PRKAR2A: variants seen among roughly 807,000 people sequenced by gnomAD.
PRKAR2A encodes the protein protein kinase cAMP-dependent type II regulatory subunit alpha, also known as cAMP-dependent protein kinase type II-alpha regulatory subunit.
PRKAR2A carries 29 observed loss-of-function variants against 51.9 expected under a neutral mutation model. The observed-to-expected ratio is 0.56, with a 90% confidence interval of 0.42 to 0.76. The LOEUF (loss-of-function observed/expected upper bound fraction) is 0.76. Among genes scored for constraint, PRKAR2A ranks in the 30% least tolerant of loss-of-function variants. The pLI, the probability that PRKAR2A is intolerant of heterozygous loss-of-function variation, is 0.00. For missense variants in PRKAR2A, 445 were observed against 512.1 expected (o/e 0.87, Z 1.26); for synonymous variants, 178 against 186.2 (o/e 0.96, Z 0.36).
chr3:48,832,296 C>CAA (rs75592481), intron 1 of PRKAR2A, among the ~76,000 whole-genome samples: 85 of 72,572 alleles, frequency 1.2e-3, no homozygotes, highest in South Asian at 1.3e-3. Flanking sequence ...AACTTCATCT[C>CAA]AAAAAAAAAA....
intron 2 of PRKAR2A, 95 bp from the exon 3 acceptor site, chr3:48,794,144 G>A: frequency 1.1e-6 from 1 of 908,344 alleles, no homozygotes; most frequent in Non-Finnish European, 1.6e-6. Context: ...TTTATTCACT[G>A]TTTTCTTTTC....
At chr3:48,799,733 T>C (rs1408517070) in intron 2 of PRKAR2A, among the ~76,000 whole-genome samples, 2 of 152,232 alleles carry the variant, frequency 1.3e-5, no homozygotes, top group African/African-American at 4.8e-5. Context: ...CAGTCATCAC[T>C]AGAGTCAAAA....
chr3:48,820,239 T>C (rs575793615), intron 1 of PRKAR2A, among the ~76,000 whole-genome samples: 4 of 152,124 alleles, frequency 2.6e-5, no homozygotes, highest in Non-Finnish European at 4.4e-5. Flanking sequence ...AAGAGGGTCA[T>C]ACATGCATTT....
chr3:48,832,412 G>A (rs978527837), intron 1 of PRKAR2A, among the ~76,000 whole-genome samples: 2 of 151,736 alleles, frequency 1.3e-5, no homozygotes, highest in Non-Finnish European at 2.9e-5. Flanking sequence ...TCATTTAAAT[G>A]GCACCTCAAA....
intron 1 of PRKAR2A, among the ~76,000 whole-genome samples, chr3:48,838,670 G>A (rs1430541247): frequency 1.3e-5 from 2 of 151,650 alleles, no homozygotes; most frequent in African/African-American, 4.8e-5. Flanking sequence ...TTTGGAGTGA[G>A]GAAAAATGTT....
At chr3:48,783,722 A>G (rs757887792) in intron 4 of PRKAR2A, among the ~76,000 whole-genome samples, 6 of 152,170 alleles carry the variant, frequency 3.9e-5, no homozygotes, top group Non-Finnish European at 8.8e-5. Flanking sequence ...CTGGGACTAC[A>G]GGCCTGTGCC....
chr3:48,808,723 G>A (rs1247619339), intron 1 of PRKAR2A, among the ~76,000 whole-genome samples: 1 of 107,832 alleles, frequency 9.3e-6, no homozygotes. Flanking sequence ...TGCCACATTG[G>A]CCAGACTGGT....
At chr3:48,758,679 G>A (rs554225532) in intron 8 of PRKAR2A, among the ~76,000 whole-genome samples, 9 of 152,116 alleles carry the variant, frequency 5.9e-5, no homozygotes, top group Non-Finnish European at 1.2e-4. Flanking sequence ...GGCCTGAGGA[G>A]AATGAACAGG....
At chr3:48,816,524 G>C (rs1354757428) in intron 1 of PRKAR2A, among the ~76,000 whole-genome samples, 1 of 152,114 alleles carries the variant, frequency 6.6e-6, no homozygotes, top group Non-Finnish European at 1.5e-5. Context: ...TGTAGTCCCA[G>C]CTACTCAGAA....
intron 1 of PRKAR2A, among the ~76,000 whole-genome samples, chr3:48,832,259 A>C (rs2083200909): frequency 6.8e-6 from 1 of 147,926 alleles, no homozygotes; most frequent in Non-Finnish European, 1.5e-5. Flanking sequence ...ATGCCATTGC[A>C]CTCCAGCCTG....
chr3:48,845,802 A>G (rs1299652773), intron 1 of PRKAR2A, among the ~76,000 whole-genome samples: 1 of 152,078 alleles, frequency 6.6e-6, no homozygotes, highest in Non-Finnish European at 1.5e-5. Flanking sequence ...TAAAATTAGT[A>G]AGGCATGGTG....
chr3:48,791,151 G>A (rs945966028), intron 3 of PRKAR2A, among the ~76,000 whole-genome samples: 3 of 151,882 alleles, frequency 2.0e-5, no homozygotes, highest in African/African-American at 7.3e-5. Flanking sequence ...GCTGGGCATG[G>A]TGGCGCGTGC....
At chr3:48,776,068 T>C (rs1056185241) in intron 5 of PRKAR2A, among the ~76,000 whole-genome samples, 16 of 152,006 alleles carry the variant, frequency 1.1e-4, no homozygotes, top group African/African-American at 2.9e-4. Context: ...GATCGCATCA[T>C]TGCACTCCAG....
rs754942216 is a variant in PRKAR2A at position 48,752,220 on chromosome 3, G to A, written c.1037C>T (p.Pro346Leu). 6.2e-7 allele frequency: 1 copy of A among 1,614,142 alleles called. No homozygotes were observed. Among genetic ancestry groups the A allele is most frequent in the Non-Finnish European group, 8.5e-7 (1 of 1,180,018 alleles). Residue 346 changes from proline to leucine, a missense_variant, in exon 10 of 11, where the codon CCC becomes CTC. Pro to Leu is a moderately conservative substitution (Grantham distance 98). Coordinates refer to ENST00000265563, the MANE Select transcript of PRKAR2A (RefSeq NM_004157.4). ...AACTGCATAAGCTGAGGCAGCTCTGGGTTTGTTGGTGACCAGGGCAAGCTC... is the reference window on the plus strand; with the variant it reads ...AACTGCATAAGCTGAGGCAGCTCTGAGTTTGTTGGTGACCAGGGCAAGCTC... ...FGELALVTNKPRAASAYAVGD... is the reference protein window; with the variant it reads ...FGELALVTNKLRAASAYAVGD...
chr3:48,755,709 G>A (rs2107201775), intron 9 of PRKAR2A, among the ~76,000 whole-genome samples: 1 of 150,054 alleles, frequency 6.7e-6, no homozygotes, highest in South Asian at 2.1e-4. Flanking sequence ...TTGGGCTCAA[G>A]AGATCCTCTT....
chr3:48,794,000 T>G lies in PRKAR2A; in HGVS notation c.348A>C (p.Pro116=). The part of the protein sequence containing the change: ...NPDEEEEDTD[P]RVIHPKTDEQ... ...ACATCTTTGCTTTGGGTCTTACCCTTGGATCTGTATCTTCCTCTTCCTCAT... is the reference window on the plus strand; with the variant it reads ...ACATCTTTGCTTTGGGTCTTACCCTGGGATCTGTATCTTCCTCTTCCTCAT... The change falls in exon 3 of 11, where the codon CCA becomes CCC. Residue 116 remains proline (P), a synonymous_variant. Transcript: ENST00000265563. The G allele has an allele frequency of 6.2e-7, 1 of 1,601,290 alleles. No individual in the cohort carries two copies. Among genetic ancestry groups the G allele is most frequent in the Middle Eastern group, 1.7e-4 (1 of 6,042 alleles).
intron 1 of PRKAR2A, among the ~76,000 whole-genome samples, chr3:48,828,563 T>C (rs866670248): frequency 2.6e-5 from 4 of 151,116 alleles, no homozygotes; most frequent in African/African-American, 4.9e-5. Flanking sequence ...TACAAAAAAA[T>C]AGAAAAAAAC....
intron 6 of PRKAR2A, among the ~76,000 whole-genome samples, chr3:48,772,677 G>T (rs527611134): frequency 4.0e-5 from 6 of 151,784 alleles, no homozygotes; most frequent in African/African-American, 1.5e-4. Flanking sequence ...GTCTCGCTGT[G>T]TCGCCCAGGC....
chr3:48,794,019 T>A lies in PRKAR2A; in HGVS notation c.329A>T (p.Glu110Val). 1 of 1,606,152 alleles carries A rather than the reference T, an allele frequency of 6.2e-7. No individual in the cohort carries two copies. The highest frequency in any genetic ancestry group is 1.1e-5 in the South Asian group (1 of 90,826). ...VCAETYNPDE[E>V]EEDTDPRVIH... ...TACCCTTGGATCTGTATCTTCCTCT[T>A]CCTCATCAGGGTTATAGGTCTCAGC... The change falls in exon 3 of 11, where the codon GAA becomes GTA. Residue 110 changes from glutamate (E) to valine (V), a missense_variant. By Grantham distance (121) the Glu-to-Val change is moderately radical. Coordinates refer to ENST00000265563, the MANE Select transcript of PRKAR2A (RefSeq NM_004157.4).
Sources: allele counts gnomAD v4.1 joint callset (sites outside exome capture counted in the v4.1 genomes callset), GRCh38; gene constraint gnomAD v4.1.1; transcripts MANE v1.5; gene names NCBI Gene and HGNC (gene_info 2026-07-23, HGNC 2026-07-21).